Variants in RORA observed in about 807,000 individuals in gnomAD.
RORA encodes the protein RAR related orphan receptor A.
A neutral mutation model predicts 69.5 loss-of-function variants in RORA; 7 were observed. That is an observed-to-expected ratio of 0.10 (90% CI 0.06 to 0.19). RORA has a LOEUF of 0.19. Among genes scored for constraint, RORA ranks in the 10% least tolerant of loss-of-function variants. RORA has a pLI of 1.00. For missense variants in RORA, 457 were observed against 663.0 expected (o/e 0.69, Z 3.41); for synonymous variants, 261 against 240.8 (o/e 1.08, Z -0.78).
At chr15:60,848,606 G>GA (rs2140411437) in intron 1 of RORA, 1 of 152,546 alleles carries the variant, frequency 6.6e-6, no homozygotes, top group Non-Finnish European at 1.5e-5. Flanking sequence ...TTTATAAAGA[G>GA]AGGGGGTTTA....
chr15:60,557,035 A>T, intron 2 of RORA: 1 of 851,956 alleles, frequency 1.2e-6, no homozygotes, highest in Non-Finnish European at 1.9e-6. Flanking sequence ...ATAAGTACCC[A>T]AAAAAGTACT....
chr15:60,620,089 T>C (rs978121722), intron 2 of RORA, among the ~76,000 whole-genome samples: 1 of 152,274 alleles, frequency 6.6e-6, no homozygotes, highest in Non-Finnish European at 1.5e-5. Context: ...GATGCTTCGT[T>C]ACCCTAACCA....
intron 1 of RORA, among the ~76,000 whole-genome samples, chr15:60,882,393 T>C (rs1031792175): frequency 6.6e-6 from 1 of 152,036 alleles, no homozygotes; most frequent in African/African-American, 2.4e-5. Flanking sequence ...CCCTTCATGA[T>C]AAAGAATGTT....
intron 1 of RORA, among the ~76,000 whole-genome samples, chr15:60,732,177 A>G (rs559728883): frequency 6.6e-6 from 1 of 152,216 alleles, no homozygotes; most frequent in African/African-American, 2.4e-5. Flanking sequence ...ATACACCCCC[A>G]AATTAGATTA....
intron 1 of RORA, among the ~76,000 whole-genome samples, chr15:61,216,891 C>T (rs911864214): frequency 2.6e-5 from 4 of 152,178 alleles, no homozygotes; most frequent in Non-Finnish European, 5.9e-5. Flanking sequence ...TCACTCCTCC[C>T]AGCAGGCTTG....
Position 60,544,417 on chromosome 15 carries a change from A to G in RORA, c.197-12566T>C, listed in dbSNP as rs1196137987. 2.9e-5 allele frequency among the ~76,000 whole-genome samples: 3 copies of G among 105,204 alleles called. No homozygotes were observed. In the East Asian group the frequency reaches 1.9e-3, roughly 67 times the overall value. 69.0% of individuals were successfully genotyped at this position (105,204 alleles called of 152,430 possible). A position where few individuals can be genotyped will look rare whatever the true frequency, so the allele number is the denominator to read the frequency against. On this transcript the variant is annotated intron_variant, in intron 2 of 10. Coordinates refer to ENST00000335670, the MANE Select transcript of RORA (RefSeq NM_134261.3). The stretch of plus-strand genomic sequence containing the variant: ...CTGTTCTCTTCGAGATCCAGAATAA[A>G]AGTTCTGGCAGCTAGAACACCGTTT...
intron 1 of RORA, among the ~76,000 whole-genome samples, chr15:60,859,025 T>G (rs2073410176): frequency 6.6e-6 from 1 of 151,956 alleles, no homozygotes; most frequent in South Asian, 2.1e-4. Context: ...ATTGGGCAAT[T>G]TCTTAGGTGT....
chr15:60,515,002 G>A (rs2065817349), intron 3 of RORA, among the ~76,000 whole-genome samples: 1 of 152,150 alleles, frequency 6.6e-6, no homozygotes, highest in South Asian at 2.1e-4. Flanking sequence ...ACAGACAGTT[G>A]CCCATGTAAA....
intron 1 of RORA, among the ~76,000 whole-genome samples, chr15:61,028,584 A>G (rs1313480483): frequency 6.6e-6 from 1 of 152,212 alleles, no homozygotes; most frequent in East Asian, 1.9e-4. Context: ...TCAAGCAAAC[A>G]AAAGTAGAAT....
chr15:60,843,278 T>C (rs1027751188), intron 1 of RORA, among the ~76,000 whole-genome samples: 3 of 152,142 alleles, frequency 2.0e-5, no homozygotes, highest in Admixed American at 6.5e-5. Flanking sequence ...TCTAACTTCC[T>C]AAAAATTAAA....
intron 2 of RORA, among the ~76,000 whole-genome samples, chr15:60,596,470 T>C (rs114356314): frequency 8.5e-5 from 13 of 152,256 alleles, no homozygotes; most frequent in Non-Finnish European, 1.8e-4. Flanking sequence ...CTGGTTGACA[T>C]AGAGCCAGGG....
intron 1 of RORA, among the ~76,000 whole-genome samples, chr15:60,733,755 G>A (rs2071459194): frequency 6.6e-6 from 1 of 152,148 alleles, no homozygotes; most frequent in East Asian, 1.9e-4. Context: ...GGCCATGGGA[G>A]CAGAGAGAAA....
In RORA at chr15:60,702,957, C is replaced by T. The variant is rs563069115; in HGVS notation, c.167-24271G>A. On this transcript the variant is annotated intron_variant, in intron 1 of 10. Transcript: ENST00000335670. Reference sequence around the variant, plus strand: ...CGTCCCCTTGACCTCTATCCATAAACAGCCTTTCTCACAATGAGATGTTCC... The same window carrying T: ...CGTCCCCTTGACCTCTATCCATAAATAGCCTTTCTCACAATGAGATGTTCC... 5.3e-5 allele frequency among the ~76,000 whole-genome samples: 8 copies of T among 152,302 alleles called. No individual in the cohort carries two copies. The South Asian group carries it at 1.7e-3, about 32-fold the overall frequency.
At chr15:60,795,070 C>T (rs2072474597) in intron 1 of RORA, among the ~76,000 whole-genome samples, 1 of 152,182 alleles carries the variant, frequency 6.6e-6, no homozygotes, top group Admixed American at 6.5e-5. Flanking sequence ...CATTTATAAT[C>T]TATCACCATT....
intron 2 of RORA, among the ~76,000 whole-genome samples, chr15:60,668,379 A>G (rs938774166): frequency 2.6e-5 from 4 of 152,218 alleles, no homozygotes; most frequent in Admixed American, 2.0e-4. Context: ...GTTCTTCACC[A>G]CAGCTTCAAG....
chr15:60,732,296 T>A (rs936671529), intron 1 of RORA, among the ~76,000 whole-genome samples: 19 of 152,098 alleles, frequency 1.2e-4, no homozygotes, highest in African/African-American at 4.3e-4. Flanking sequence ...GAGTGTCAAA[T>A]TGTTGGATTA....
At chr15:60,500,675 T>A (rs2065303775) in intron 9 of RORA, among the ~76,000 whole-genome samples, 2 of 152,184 alleles carry the variant, frequency 1.3e-5, no homozygotes, top group South Asian at 2.1e-4. Flanking sequence ...CCACAGCATT[T>A]CTCTTGGTAT....
chr15:60,705,780 A>G (rs2071054180), intron 1 of RORA, among the ~76,000 whole-genome samples: 2 of 152,206 alleles, frequency 1.3e-5, no homozygotes, highest in African/African-American at 4.8e-5. Flanking sequence ...AAACTGGGAG[A>G]TAATTTCTCT....
chr15:60,614,134 T>C (rs775339916), intron 2 of RORA, among the ~76,000 whole-genome samples: 1 of 151,992 alleles, frequency 6.6e-6, no homozygotes, highest in East Asian at 1.9e-4. Context: ...AAGTGAAAAA[T>C]AGAGAATTGT....
Sources: gnomAD v4.1 joint callset for allele counts (sites outside exome capture counted in the v4.1 genomes callset) on GRCh38, gnomAD v4.1.1 for gene constraint, MANE v1.5 for transcripts, NCBI Gene and HGNC (gene_info 2026-07-23, HGNC 2026-07-21) for gene names.